The following TEKT1 variants were observed in gnomAD, a reference collection of about 807,000 sequenced individuals.
The protein encoded by TEKT1 is tektin 1, also known as tektin-1.
A neutral mutation model predicts 34.8 loss-of-function variants in TEKT1; 32 were observed. That is an observed-to-expected ratio of 0.92 (90% confidence interval 0.69 to 1.23). The LOEUF is 1.23. TEKT1 is among the 50% of genes most tolerant of loss of function. The probability of loss-of-function intolerance (pLI) is 0.00; values close to 1 mark genes in which losing one functional copy is unlikely to be tolerated. For synonymous variants in TEKT1, 207 were observed against 199.8 expected (o/e 1.04, Z -0.30); for missense variants, 492 against 518.5 (o/e 0.95, Z 0.50).
chr17:6,801,078 T>C, intron 6 of TEKT1, 135 bp from the exon 7 acceptor site: 5 of 832,902 alleles, frequency 6.0e-6, no homozygotes, highest in South Asian at 3.5e-5. Flanking sequence ...TGCCAGAGTC[T>C]GATCTCTCTT....
At chr17:6,814,612 G>A (rs974953672) in intron 5 of TEKT1, among the ~76,000 whole-genome samples, 5 of 152,202 alleles carry the variant, frequency 3.3e-5, no homozygotes, top group Admixed American at 2.0e-4. Flanking sequence ...GCCGAGGCGG[G>A]CAGATCACGA....
intron 6 of TEKT1, among the ~76,000 whole-genome samples, chr17:6,810,682 A>G (rs940873730): frequency 1.3e-5 from 2 of 152,182 alleles, no homozygotes; most frequent in East Asian, 3.8e-4. Flanking sequence ...TGACATGTAT[A>G]TAACTTGACA....
chr17:6,814,946 G>T (rs905130668), intron 5 of TEKT1: 6 of 525,260 alleles, frequency 1.1e-5, no homozygotes, highest in African/African-American at 5.8e-5. Flanking sequence ...TTCTTTAAAG[G>T]TTTAAAGGTT....
At chr17:6,814,812 TAA>T (rs1976980807) in intron 5 of TEKT1, 1 of 183,014 alleles carries the variant, frequency 5.5e-6, no homozygotes, top group South Asian at 1.1e-4. Context: ...CACTCCAGCC[TAA>T]GTGACAGAGC....
rs148273441 is a variant in TEKT1, at chr17:6,824,865, C to T, written c.190+5322G>A. Among the ~76,000 whole-genome samples the T allele has an allele frequency of 2.4e-3, 360 of 152,136 alleles. 2 individuals are homozygous for T. Among genetic ancestry groups the T allele is most frequent in the African/African-American group, 6.8e-3 (280 of 41,480 alleles). On this transcript the variant is annotated intron_variant, in intron 2 of 7. Transcript: ENST00000338694. Reference sequence around the variant, plus strand: ...CTTGGGACATACTTATTTTGAGGTGCCTGAAGGAATCTAGGTGGCAATATA... The same window carrying T: ...CTTGGGACATACTTATTTTGAGGTGTCTGAAGGAATCTAGGTGGCAATATA...
intron 2 of TEKT1, among the ~76,000 whole-genome samples, chr17:6,821,610 T>G (rs1020456962): frequency 1.3e-5 from 2 of 152,168 alleles, no homozygotes; most frequent in African/African-American, 2.4e-5. Context: ...AATGTGGTAG[T>G]GACTTTGGAG....
intron 2 of TEKT1, among the ~76,000 whole-genome samples, chr17:6,820,046 A>G (rs1334222076): frequency 6.6e-6 from 1 of 152,164 alleles, no homozygotes; most frequent in Non-Finnish European, 1.5e-5. Context: ...TTTTGATATT[A>G]TATGTTGATT....
At position 6,799,832 on chromosome 17, in the gene TEKT1, A is replaced by T; in HGVS notation, c.*195T>A. ...TGGCCTGTGCTAAAATATGGAGTTG[A>T]ATTGTTAGGCAAACACCACACCAGC... On this transcript the variant is annotated 3_prime_UTR_variant, in exon 8 of 8. Transcript: ENST00000338694. 1.9e-6 allele frequency: 1 copy of T among 529,636 alleles called. No individual in the cohort carries two copies. The highest frequency in any genetic ancestry group is 3.2e-6 in the Non-Finnish European group (1 of 307,846). 32.8% of individuals were successfully genotyped at this position (529,636 alleles called of 1,614,324 possible). A position where few individuals can be genotyped will look rare whatever the true frequency, so the allele number is the denominator to read the frequency against.
At chr17:6,830,957 T>A (rs931294990) in intron 1 of TEKT1, among the ~76,000 whole-genome samples, 1 of 152,228 alleles carries the variant, frequency 6.6e-6, no homozygotes, top group East Asian at 1.9e-4. Context: ...CATGGAGTAA[T>A]GTTCTGCCAA....
Position 6,830,396 on chromosome 17 carries a change from G to C in TEKT1, c.-17-3C>G, listed in dbSNP as rs766166760. The C allele has an allele frequency of 6.5e-7, 1 of 1,535,158 alleles. No individual in the cohort carries two copies. The highest frequency in any genetic ancestry group is 1.4e-5 in the African/African-American group (1 of 71,314). On this transcript the variant is annotated splice_polypyrimidine_tract_variant and splice_region_variant and intron_variant, in intron 1 of 7. Transcript: ENST00000338694. ...AGCCATTTGAGGTTTCCAAATTCCTGATCAAAAGCAGACTCTTTTAGATTA... is the reference window on the plus strand; with the variant it reads ...AGCCATTTGAGGTTTCCAAATTCCTCATCAAAAGCAGACTCTTTTAGATTA...
At chr17:6,824,270 C>T (rs1413312925) in intron 2 of TEKT1, among the ~76,000 whole-genome samples, 1 of 152,072 alleles carries the variant, frequency 6.6e-6, no homozygotes, top group Non-Finnish European at 1.5e-5. Context: ...TCTAATCTAC[C>T]CTTATGGCTC....
At chr17:6,825,946 C>T (rs984367091) in intron 2 of TEKT1, among the ~76,000 whole-genome samples, 3 of 152,140 alleles carry the variant, frequency 2.0e-5, no homozygotes, top group Non-Finnish European at 2.9e-5. Flanking sequence ...CATATATTCC[C>T]GTATGATAAA....
intron 6 of TEKT1, among the ~76,000 whole-genome samples, chr17:6,807,233 G>A (rs1352185366): frequency 3.9e-5 from 6 of 152,098 alleles, no homozygotes; most frequent in African/African-American, 7.2e-5. Context: ...TTCCATCACT[G>A]ATACCCTTTC....
chr17:6,826,401 G>A (rs888353754), intron 2 of TEKT1, among the ~76,000 whole-genome samples: 3 of 152,042 alleles, frequency 2.0e-5, no homozygotes, highest in Non-Finnish European at 4.4e-5. Context: ...TTAGATTGCT[G>A]TTCAGCCTTT....
intron 5 of TEKT1, chr17:6,814,880 T>G: frequency 3.3e-6 from 1 of 302,910 alleles, no homozygotes; most frequent in Non-Finnish European, 6.0e-6. Flanking sequence ...CTTCCTACAT[T>G]TTTAGATTAT....
chr17:6,803,954 G>A (rs1597785088), intron 6 of TEKT1, among the ~76,000 whole-genome samples: 1 of 152,076 alleles, frequency 6.6e-6, no homozygotes, highest in South Asian at 2.1e-4. Context: ...CCCTTTTTTG[G>A]TTCCATATGG....
intron 2 of TEKT1, among the ~76,000 whole-genome samples, chr17:6,823,483 T>G (rs1477712174): frequency 3.3e-5 from 5 of 152,202 alleles, no homozygotes; most frequent in African/African-American, 1.2e-4. Context: ...TCTCAATCTC[T>G]CTCATGCTTG....
Position 6,798,836 on chromosome 17 carries a change from C to T in TEKT1, c.*1191G>A, listed in dbSNP as rs554269118. 2.2e-4 allele frequency: 33 copies of T among 152,288 alleles called. No homozygotes were observed. Among genetic ancestry groups the T allele is most frequent in the Middle Eastern group, 3.4e-3 (1 of 294 alleles). 9.4% of individuals were successfully genotyped at this position (152,288 alleles called of 1,614,324 possible). On this transcript the variant is annotated 3_prime_UTR_variant, in exon 8 of 8. Transcript: ENST00000338694. ...CAGCAAGGACAGGAAGAGTTCCAGA[C>T]GATATAGTCCTTTCCTTACTTTACA... is the stretch of plus-strand genomic sequence containing the variant.
In TEKT1 at chr17:6,812,898, G is replaced by A. The variant is rs145665259; in HGVS notation, c.785C>T (p.Thr262Met). ...ATCCTTCAGCCCATTCTTGAATGCCGTGTCCACCACATCACACTGCTTGCG... is the reference window on the plus strand; with the variant it reads ...ATCCTTCAGCCCATTCTTGAATGCCATGTCCACCACATCACACTGCTTGCG... Reference protein sequence around the residue: ...DLRKQCDVVDTAFKNGLKDTK... With the variant: ...DLRKQCDVVDMAFKNGLKDTK... The change falls in exon 6 of 8, where the codon ACG becomes ATG. Residue 262 changes from threonine to methionine, a missense_variant. Transcript: ENST00000338694. The A allele has an allele frequency of 2.5e-5, 41 of 1,614,022 alleles. No homozygotes were observed. Among genetic ancestry groups the A allele is most frequent in the African/African-American group, 2.0e-4 (15 of 74,924 alleles).
Sources: gnomAD v4.1 joint callset for allele counts (sites outside exome capture counted in the v4.1 genomes callset) on GRCh38, gnomAD v4.1.1 for gene constraint, MANE v1.5 for transcripts, NCBI Gene and HGNC (gene_info 2026-07-23, HGNC 2026-07-21) for gene names.